MOK: variants seen among roughly 807,000 people sequenced by gnomAD.
The protein encoded by MOK is MOK protein kinase.
MOK carries 59 observed loss-of-function variants against 54.2 expected under a neutral mutation model. The ratio of observed to expected loss-of-function variants is 1.09; its 90% CI spans 0.88 to 1.35. The LOEUF is 1.35. Among genes scored for constraint, MOK ranks in the 40% most tolerant of loss-of-function variants. The pLI is 0.00. For missense variants in MOK, 517 were observed against 526.2 expected (o/e 0.98, Z 0.17); for synonymous variants, 210 against 202.7 (o/e 1.04, Z -0.31).
At chr14:102,220,588 C>T (rs1343937386), downstream of MOK, among the ~76,000 whole-genome samples, 2 of 151,968 alleles carry the variant, frequency 1.3e-5, no homozygotes, top group South Asian at 2.1e-4. The surrounding 1 kb of genome is among the most constrained non-coding windows in gnomAD (Gnocchi z 4.2). Context: ...GGCGTGGTGG[C>T]AGGCGCCTGT....
At chr14:102,300,358 G>C (rs2072038868) in intron 1 of MOK, among the ~76,000 whole-genome samples, 1 of 148,606 alleles carries the variant, frequency 6.7e-6, no homozygotes, top group South Asian at 2.1e-4. Flanking sequence ...CCTGGGCTGG[G>C]CAACACAGCA....
chr14:102,228,117 G>C (rs993596108), downstream of MOK, among the ~76,000 whole-genome samples: 1 of 152,192 alleles, frequency 6.6e-6, no homozygotes, highest in African/African-American at 2.4e-5. Flanking sequence ...GGGGAAACAG[G>C]TTTCTCTTTC....
chr14:102,250,355 G>A (rs58327231), intron 7 of MOK, among the ~76,000 whole-genome samples: 19,575 of 152,114 alleles, frequency 0.13, 1,744 homozygotes, highest in African/African-American at 0.25. Context: ...CAAAGGCTGG[G>A]GGGGAGTGGG....
intron 2 of MOK, among the ~76,000 whole-genome samples, chr14:102,281,604 TTG>T (rs1286675780): frequency 1.5e-5 from 2 of 131,404 alleles, no homozygotes; most frequent in African/African-American, 7.4e-5. Flanking sequence ...GTCTGTTTTT[TTG>T]TGTTTTTTTT....
intron 1 of MOK, among the ~76,000 whole-genome samples, chr14:102,296,909 T>C (rs907079108): frequency 6.6e-6 from 1 of 150,578 alleles, no homozygotes. Context: ...AATACAAAAA[T>C]TACCCAGGCG....
chr14:102,229,544 G>T lies in MOK; in HGVS notation c.1095C>A (p.Ser365Arg), dbSNP rs1450154085. The T allele has an allele frequency of 1.1e-5, 17 of 1,614,190 alleles. No homozygotes were observed. The highest frequency in any genetic ancestry group is 1.4e-5 in the Non-Finnish European group (17 of 1,180,040). The change falls in exon 11 of 12, where the codon AGC becomes AGA. Residue 365 changes from serine (S) to arginine (R), a missense_variant. Physicochemically the swap from Ser to Arg is moderately radical, Grantham distance 110. Coordinates refer to ENST00000361847, the MANE Select transcript of MOK (RefSeq NM_014226.3). ...SGVVRLSSYSSPTLQSVLGSG... is the reference protein window; with the variant it reads ...SGVVRLSSYSRPTLQSVLGSG... Reference sequence around the variant, plus strand: ...ATCCAAGCACGGACTGCAGCGTGGGGCTGGAGTAAGACGACAGTCTGACCA... The same window carrying T: ...ATCCAAGCACGGACTGCAGCGTGGGTCTGGAGTAAGACGACAGTCTGACCA...
intron 1 of MOK, among the ~76,000 whole-genome samples, chr14:102,304,223 T>G (rs902784260): frequency 6.6e-6 from 1 of 152,232 alleles, no homozygotes; most frequent in African/African-American, 2.4e-5. Context: ...GGTCTGAATT[T>G]TTACTGCACC....
chr14:102,226,140 G>A (rs1597206348), downstream of MOK: 7 of 592,222 alleles, frequency 1.2e-5, no homozygotes, highest in Non-Finnish European at 1.8e-5. This position sits in a 1 kb window ranked among gnomAD's most constrained non-coding sequence, Gnocchi z 4.8. Context: ...AGTGCCAGAT[G>A]GAAATGGCTG....
rs1452875897 is a variant in MOK, at chr14:102,240,180, C to T, written c.591-6391G>A. On this transcript the variant is annotated intron_variant, in intron 7 of 11. Coordinates refer to ENST00000361847, the MANE Select transcript of MOK (RefSeq NM_014226.3). The surrounding 1 kb of genome is among the most constrained non-coding windows in gnomAD (Gnocchi z 5.4). The stretch of plus-strand genomic sequence containing the variant: ...TTGACTGTAATTTTCCACTACCTAC[C>T]CAAATCCTATAAAACGACCCACCCC... Among the ~76,000 whole-genome samples the T allele has an allele frequency of 1.3e-5, 2 of 152,220 alleles. No individual in the cohort carries two copies. Among genetic ancestry groups the T allele is most frequent in the African/African-American group, 4.8e-5 (2 of 41,458 alleles).
chr14:102,271,721 C>T (rs1195463344), intron 2 of MOK, among the ~76,000 whole-genome samples: 2 of 152,020 alleles, frequency 1.3e-5, no homozygotes, highest in Admixed American at 6.6e-5. Context: ...ACCACGCCCA[C>T]CTAATTTTTG....
At position 102,263,594 on chromosome 14, in the gene MOK, C is replaced by T; in HGVS notation, c.235G>A (p.Ala79Thr). ...VVFDRKSGSL[A>T]LICELMDMNI... is the part of the protein sequence containing the mutation. The stretch of plus-strand genomic sequence containing the variant: ...ATGTCCATAAGTTCACATATTAGTG[C>T]AAGAGAACCAGATTTTCTGTCACTG... Residue 79 changes from alanine to threonine, a missense_variant, in exon 4 of 12, where the codon GCA becomes ACA. Transcript: ENST00000361847. 2 of 1,605,222 alleles carry T rather than the reference C, an allele frequency of 1.2e-6. No homozygotes were observed. Among genetic ancestry groups the T allele is most frequent in the Non-Finnish European group, 1.7e-6 (2 of 1,176,786 alleles).
At chr14:102,301,887 T>C (rs947507158) in intron 1 of MOK, among the ~76,000 whole-genome samples, 2 of 152,108 alleles carry the variant, frequency 1.3e-5, no homozygotes, top group African/African-American at 4.8e-5. Context: ...TGTACATTTT[T>C]TGTGTATTTT....
At chr14:102,222,453 G>A (rs2064005759), downstream of MOK, among the ~76,000 whole-genome samples, 1 of 152,150 alleles carries the variant, frequency 6.6e-6, no homozygotes. The surrounding 1 kb of genome is among the most constrained non-coding windows in gnomAD (Gnocchi z 4.4). Context: ...GCGGTGCCCT[G>A]GGCTCAACCC....
At position 102,292,539 on chromosome 14, in the gene MOK, CA is replaced by C. The variant is rs1365600925; in HGVS notation, c.8-8948del. 2.6e-5 allele frequency among the ~76,000 whole-genome samples: 4 copies of C among 152,016 alleles called. No individual in the cohort carries two copies. The East Asian group carries it at 7.7e-4, about 29-fold the overall frequency. Reference sequence around the variant, plus strand: ...TTATGGAGTACATAGTGTGTAATACCAAATACATGGTGCTCTGGATTCCAAT... The same window carrying C: ...TTATGGAGTACATAGTGTGTAATACCAATACATGGTGCTCTGGATTCCAAT... On this transcript the variant is annotated intron_variant, in intron 1 of 11. Coordinates refer to ENST00000361847, the MANE Select transcript of MOK (RefSeq NM_014226.3).
intron 1 of MOK, among the ~76,000 whole-genome samples, chr14:102,294,318 C>T (rs1275515391): frequency 6.6e-6 from 1 of 151,240 alleles, no homozygotes; most frequent in Non-Finnish European, 1.5e-5. Flanking sequence ...TGGTGGTGGG[C>T]ACGTGTAGTC....
intron 2 of MOK, among the ~76,000 whole-genome samples, chr14:102,269,766 C>T (rs971057409): frequency 6.6e-6 from 1 of 152,084 alleles, no homozygotes; most frequent in Admixed American, 6.6e-5. Context: ...AGCCACTGTG[C>T]CTGGCCTAAA....
rs867812441 is a variant in MOK at position 102,252,311 on chromosome 14, C to T, written c.284-316G>A. On this transcript the variant is annotated intron_variant, in intron 4 of 11. Transcript: ENST00000361847. The stretch of plus-strand genomic sequence containing the variant: ...ATCTACTAAAAATACAAAAATTTGC[C>T]GGGTGTGGTGGCGGGTGCCTGTAAT... Among the ~76,000 whole-genome samples the T allele has an allele frequency of 2.6e-5, 4 of 151,826 alleles. No individual in the cohort carries two copies. The South Asian group carries it at 6.2e-4, about 24-fold the overall frequency.
intron 2 of MOK, among the ~76,000 whole-genome samples, chr14:102,272,306 G>A (rs2068439261): frequency 6.6e-6 from 1 of 152,090 alleles, no homozygotes; most frequent in Non-Finnish European, 1.5e-5. Flanking sequence ...TGGCCAACAT[G>A]GCAAAACCCC....
intron 7 of MOK, chr14:102,247,571 T>C (rs1366424734): frequency 6.6e-6 from 1 of 152,206 alleles, no homozygotes; most frequent in Non-Finnish European, 1.5e-5. Context: ...ACCACCTCTG[T>C]TTCCTATTAC....
Sources: gnomAD v4.1 joint callset for allele counts (sites outside exome capture counted in the v4.1 genomes callset) on GRCh38, gnomAD v4.1.1 for gene constraint, Gnocchi (gnomAD v3.1) non-coding constraint, MANE v1.5 for transcripts, NCBI Gene and HGNC (gene_info 2026-07-23, HGNC 2026-07-21) for gene names.